DOT1L: variants seen among roughly 807,000 people sequenced by gnomAD.
The protein encoded by DOT1L is DOT1 like histone lysine methyltransferase.
In DOT1L, 33 loss-of-function variants were observed where a neutral mutation model predicts 153.3. The observed-to-expected ratio is 0.22, with a 90% CI of 0.16 to 0.29. The LOEUF is 0.29. Ranked by LOEUF, DOT1L falls within the 10% of genes least tolerant of loss-of-function variation. The probability of loss-of-function intolerance (pLI) is 1.00; values close to 1 mark genes in which losing one functional copy is unlikely to be tolerated. For missense variants in DOT1L, 1,847 were observed against 2,119.9 expected (o/e 0.87, Z 2.53); for synonymous variants, 1,135 against 965.1 (o/e 1.18, Z -3.26).
intron 1 of DOT1L, among the ~76,000 whole-genome samples, chr19:2,173,056 C>T (rs181845527): frequency 1.1e-4 from 17 of 152,116 alleles, no homozygotes; most frequent in African/African-American, 4.1e-4. Flanking sequence ...GCAGTCGTCA[C>T]CATTGTCTAA....
chr19:2,218,582 AT>A (rs2023993828), intron 22 of DOT1L, among the ~76,000 whole-genome samples: 3 of 151,254 alleles, frequency 2.0e-5, no homozygotes, highest in Admixed American at 6.6e-5. Flanking sequence ...TTTAGTAGAG[AT>A]GGGGTTTCAC....
chr19:2,179,523 G>A (rs1358702939), intron 1 of DOT1L, among the ~76,000 whole-genome samples: 1 of 152,194 alleles, frequency 6.6e-6, no homozygotes, highest in Non-Finnish European at 1.5e-5. Context: ...AAAGACATGG[G>A]CTGGCTGGGC....
In DOT1L at chr19:2,216,658, C is replaced by T. The variant is rs573382419; in HGVS notation, c.2301C>T (p.Ala767=). The change falls in exon 20 of 28, where the codon GCC becomes GCT. Residue 767 remains alanine (A), a synonymous_variant. Transcript: ENST00000398665. ...GCCTGGAGAAGCTGTCTGGCCTAGC[C>T]GCACCCGACTACACTAGGCTGTCCC... ...RPRLEKLSGL[A]APDYTRLSPA... is the part of the protein sequence containing the mutation. 39 of 1,604,794 alleles carry T rather than the reference C, an allele frequency of 2.4e-5. No homozygotes were observed. The highest frequency in any genetic ancestry group is 1.5e-4 in the African/African-American group (11 of 75,052).
chr19:2,214,525 A>C lies in DOT1L; in HGVS notation c.1852A>C (p.Lys618Gln). 1 of 1,613,084 alleles carries C rather than the reference A, an allele frequency of 6.2e-7. No individual in the cohort carries two copies. Among genetic ancestry groups the C allele is most frequent in the Admixed American group, 1.7e-5 (1 of 60,004 alleles). The stretch of plus-strand genomic sequence containing the variant: ...GGACTGGGCCACGCTGTCGCTGGAG[A>C]AGCTGTTGAAGGAGAAGCAGGCCCT... Reference protein sequence around the residue: ...QLDWATLSLEKLLKEKQALKS... With the variant: ...QLDWATLSLEQLLKEKQALKS... The change falls in exon 19 of 28, where the codon AAG becomes CAG. Residue 618 changes from lysine to glutamine, a missense_variant. By Grantham distance (53) the Lys-to-Gln change is moderately conservative (BLOSUM62 1). This residue lies in a region of DOT1L where 156 missense variants were observed against 235.7 expected (regional missense o/e 0.66). Coordinates refer to ENST00000398665, the MANE Select transcript of DOT1L (RefSeq NM_032482.3).
rs147299022 is a variant in DOT1L at position 2,187,951 on chromosome 19, G to C, written c.201-1781G>C. Among the ~76,000 whole-genome samples the C allele has an allele frequency of 4.3e-3, 639 of 148,342 alleles. 7 individuals are homozygous for C. Among genetic ancestry groups the C allele is most frequent in the African/African-American group, 0.015 (600 of 40,294 alleles). ...AAAAAAAAAAAAAGGGAAGTGAAAA[G>C]ACAGGAAGGGCCAGGGCTGCTCCTC... On this transcript the variant is annotated intron_variant, in intron 3 of 27. Transcript: ENST00000398665.
At chr19:2,186,854 G>A (rs1446720561) in intron 3 of DOT1L, among the ~76,000 whole-genome samples, 1 of 152,220 alleles carries the variant, frequency 6.6e-6, no homozygotes, top group Non-Finnish European at 1.5e-5. Flanking sequence ...CTCATTGGGC[G>A]TGATGGTGTG....
intron 9 of DOT1L, among the ~76,000 whole-genome samples, chr19:2,206,246 A>T (rs1392329769): frequency 6.6e-6 from 1 of 152,008 alleles, no homozygotes; most frequent in Non-Finnish European, 1.5e-5. Flanking sequence ...TCAGCCTCCC[A>T]AAGTGCTGGG....
intron 23 of DOT1L, chr19:2,221,655 G>C (rs576346748): frequency 2.5e-6 from 1 of 396,808 alleles, no homozygotes; most frequent in African/African-American, 2.0e-5. Context: ...GGGGCCAGAG[G>C]GCAACTTACT....
chr19:2,214,321 A>C, intron 18 of DOT1L, 150 bp from the exon 19 acceptor site: 1 of 1,338,868 alleles, frequency 7.5e-7, no homozygotes, highest in Non-Finnish European at 1.0e-6. Flanking sequence ...CGTGTTCCGC[A>C]TCCTCAGCCT....
chr19:2,176,674 C>T (rs2144680581), intron 1 of DOT1L, among the ~76,000 whole-genome samples: 1 of 152,350 alleles, frequency 6.6e-6, no homozygotes, highest in East Asian at 1.9e-4. Context: ...CCCCTCCAAC[C>T]TGCGCAGCCT....
In DOT1L at chr19:2,216,974, A is replaced by G; in HGVS notation, c.2428A>G (p.Asn810Asp). ...LHSRAEHTKE[N>D]GLPYQSPSVP... The stretch of plus-strand genomic sequence containing the variant: ...TTCCAGAGCTGAGCACACCAAGGAG[A>G]ACGGCCTTCCCTACCAGAGCCCCAG... The change falls in exon 21 of 28, where the codon AAC becomes GAC. Residue 810 changes from asparagine (N) to aspartate (D), a missense_variant. Around this residue, in one of 8 missense-constraint regions of DOT1L, gnomAD observed 281 missense variants for 263.6 expected, o/e 1.07. Transcript: ENST00000398665. The G allele has an allele frequency of 6.2e-7, 1 of 1,612,802 alleles. No homozygotes were observed. The highest frequency in any genetic ancestry group is 8.5e-7 in the Non-Finnish European group (1 of 1,179,646).
chr19:2,196,416 T>C (rs1000460757), intron 7 of DOT1L, among the ~76,000 whole-genome samples: 2 of 152,200 alleles, frequency 1.3e-5, no homozygotes, highest in African/African-American at 4.8e-5. Flanking sequence ...CACTGTAGCC[T>C]CCGCCCCCTG....
chr19:2,185,921 C>T lies in DOT1L; in HGVS notation c.192C>T (p.Asp64=), dbSNP rs761053176. 2.5e-6 allele frequency: 4 copies of T among 1,614,072 alleles called. No individual in the cohort carries two copies. The highest frequency in any genetic ancestry group is 2.2e-5 in the South Asian group (2 of 91,084). The stretch of plus-strand genomic sequence containing the variant: ...AGAATTACGTTTTAATTGACTATGA[C>T]ACCAAAAGGTAAGCAGAGTCCTGTC... The part of the protein sequence containing the change: ...AMENYVLIDY[D]TKSFESMQRL... The change falls in exon 3 of 28, where the codon GAC becomes GAT. Residue 64 remains aspartate (D), a synonymous_variant. Transcript: ENST00000398665.
chr19:2,203,337 G>A (rs1180747143), intron 9 of DOT1L, among the ~76,000 whole-genome samples: 1 of 152,202 alleles, frequency 6.6e-6, no homozygotes, highest in Non-Finnish European at 1.5e-5. Flanking sequence ...CGATGTCAGG[G>A]TGATCTGCCC....
chr19:2,206,427 G>A (rs2023496602), intron 9 of DOT1L, among the ~76,000 whole-genome samples: 1 of 151,084 alleles, frequency 6.6e-6, no homozygotes, highest in Non-Finnish European at 1.5e-5. Context: ...GTGTGGTGGT[G>A]TGCGCCTGTA....
rs2022754820 is a variant in DOT1L at position 2,190,733 on chromosome 19, T to C, written c.265-279T>C. Among the ~76,000 whole-genome samples the C allele has an allele frequency of 6.6e-6, 1 of 151,786 alleles. No individual in the cohort carries two copies. The highest frequency in any genetic ancestry group is 2.4e-5 in the African/African-American group (1 of 41,314). ...GGTGGTCTTGGTGGCCTGTGTGGTT[T>C]TGGTGGTCTTGCCAGTGGGGAGAGA... On this transcript the variant is annotated intron_variant, in intron 4 of 27. Coordinates refer to ENST00000398665, the MANE Select transcript of DOT1L (RefSeq NM_032482.3). The surrounding 1 kb of genome is among the most constrained non-coding windows in gnomAD (Gnocchi z 4.8).
In DOT1L at chr19:2,204,397, T is replaced by C. The variant is rs1458136869; in HGVS notation, c.787+1618T>C. 2.6e-5 allele frequency among the ~76,000 whole-genome samples: 4 copies of C among 152,116 alleles called. No individual in the cohort carries two copies. Among genetic ancestry groups the C allele is most frequent in the African/African-American group, 4.8e-5 (2 of 41,400 alleles). ...GTGTGGCAGTGGTGTTTCTGACTTA[T>C]CTTAGAACCACGTGAGGACACCATG... On this transcript the variant is annotated intron_variant, in intron 9 of 27. Transcript: ENST00000398665. The surrounding 1 kb of genome is among the most constrained non-coding windows in gnomAD (Gnocchi z 5.7).
chr19:2,175,755 A>G (rs1315725500), intron 1 of DOT1L, among the ~76,000 whole-genome samples: 1 of 152,148 alleles, frequency 6.6e-6, no homozygotes, highest in Non-Finnish European at 1.5e-5. Flanking sequence ...GCTTGAACCC[A>G]GGAAGTGGAG....
Position 2,190,161 on chromosome 19 carries a change from C to G in DOT1L, c.264+366C>G, listed in dbSNP as rs544106134. Among the ~76,000 whole-genome samples the G allele has an allele frequency of 3.9e-5, 6 of 152,288 alleles. No individual in the cohort carries two copies. The highest frequency in any genetic ancestry group is 2.1e-4 in the South Asian group (1 of 4,834). On this transcript the variant is annotated intron_variant, in intron 4 of 27. Transcript: ENST00000398665. The surrounding 1 kb of genome is among the most constrained non-coding windows in gnomAD (Gnocchi z 4.8). ...GCCGGCCTTCCCCCTTGGACCTCCC[C>G]CACACCGCCTGCCTTCATCAGGCTG...
Sources: allele counts gnomAD v4.1 joint callset (sites outside exome capture counted in the v4.1 genomes callset), GRCh38; gene constraint gnomAD v4.1.1; regional missense constraint gnomAD v4.1.1; non-coding constraint Gnocchi (gnomAD v3.1); transcripts MANE v1.5; gene names NCBI Gene and HGNC (gene_info 2026-07-23, HGNC 2026-07-21).